Variants in SFSWAP observed in about 807,000 individuals in gnomAD.
SFSWAP encodes the protein splicing factor, suppressor of white-apricot homolog.
SFSWAP carries 17 observed loss-of-function variants against 100.7 expected under a neutral mutation model. The observed-to-expected ratio is 0.17, with a 90% CI of 0.12 to 0.25. The LOEUF is 0.25. Among genes scored for constraint, SFSWAP ranks in the 10% least tolerant of loss-of-function variants. The pLI is 1.00. For synonymous variants in SFSWAP, 504 were observed against 510.1 expected, an observed-to-expected ratio of 0.99 and a Z score of 0.16; for missense variants, 1,005 against 1,262.6, an observed-to-expected ratio of 0.80 and a Z score of 3.09.
rs1239124894 is a variant in SFSWAP, at chr12:131,711,630, C to T, written c.218+183C>T. Reference sequence around the variant, plus strand: ...GTGGGGAGGGGGACGGTGAAACCTGCCCTAAGGCACTGGCTGGAATTGCGT... The same window carrying T: ...GTGGGGAGGGGGACGGTGAAACCTGTCCTAAGGCACTGGCTGGAATTGCGT... On this transcript the variant is annotated intron_variant, in intron 1 of 17. Coordinates refer to ENST00000261674, the MANE Select transcript of SFSWAP (RefSeq NM_004592.4). The surrounding 1 kb of genome is among the most constrained non-coding windows in gnomAD (Gnocchi z 4.9). The T allele has an allele frequency of 6.7e-6, 4 of 596,188 alleles. No homozygotes were observed. The highest frequency in any genetic ancestry group is 2.8e-5 in the East Asian group (1 of 35,236). The allele number at this position is 596,188 out of a possible 1,614,324, so 36.9% of individuals were successfully genotyped here. A position where few individuals can be genotyped will look rare whatever the true frequency, so the allele number is the denominator to read the frequency against.
At chr12:131,742,675 A>G (rs1566020910) in intron 7 of SFSWAP, among the ~76,000 whole-genome samples, 1 of 151,932 alleles carries the variant, frequency 6.6e-6, no homozygotes, top group Admixed American at 6.6e-5. Flanking sequence ...GGAGGTTACA[A>G]CAAAATACAG....
chr12:131,775,216 C>T (rs1883917856), intron 13 of SFSWAP, among the ~76,000 whole-genome samples: 2 of 152,190 alleles, frequency 1.3e-5, no homozygotes, highest in Non-Finnish European at 1.5e-5. Context: ...ACAGCAAAGA[C>T]GTGTTTCTCT....
At chr12:131,754,111 T>G (rs1566029545) in intron 8 of SFSWAP, among the ~76,000 whole-genome samples, 1 of 152,122 alleles carries the variant, frequency 6.6e-6, no homozygotes, top group Non-Finnish European at 1.5e-5. Context: ...AGCTTGTGAT[T>G]GGGGGGAAAT....
intron 7 of SFSWAP, among the ~76,000 whole-genome samples, chr12:131,731,901 C>CAT (rs1555241932): frequency 1.8e-5 from 1 of 55,304 alleles, no homozygotes; most frequent in African/African-American, 7.2e-5. Flanking sequence ...TACTATTTTA[C>CAT]TTTTTTTTTT....
intron 7 of SFSWAP, among the ~76,000 whole-genome samples, chr12:131,732,561 A>G (rs1273292638): frequency 2.0e-5 from 3 of 152,332 alleles, no homozygotes; most frequent in East Asian, 3.9e-4. Flanking sequence ...AGAGCTTGAG[A>G]AGCAGGTCTG....
chr12:131,748,554 C>T (rs1205480705), intron 7 of SFSWAP, among the ~76,000 whole-genome samples: 3 of 152,336 alleles, frequency 2.0e-5, no homozygotes, highest in African/African-American at 4.8e-5. Flanking sequence ...AGAACCTTCT[C>T]AGCACAGGAG....
chr12:131,788,348 G>C (rs1885033974), intron 15 of SFSWAP, among the ~76,000 whole-genome samples: 1 of 152,214 alleles, frequency 6.6e-6, no homozygotes, highest in Non-Finnish European at 1.5e-5. Context: ...GAGCTGCCGT[G>C]CCCAGACAGA....
chr12:131,764,789 G>C (rs1882972911), intron 12 of SFSWAP, 103 bp downstream of exon 12: 1 of 803,996 alleles, frequency 1.2e-6, no homozygotes. Flanking sequence ...AGAATCTGAA[G>C]CCTTTGGAAA....
intron 4 of SFSWAP, among the ~76,000 whole-genome samples, chr12:131,722,542 C>T (rs577828023): frequency 2.6e-5 from 4 of 152,246 alleles, no homozygotes; most frequent in East Asian, 1.9e-4. Flanking sequence ...TTGTGTGCAA[C>T]GCTTATTCTG....
At chr12:131,751,763 G>A (rs773524923) in intron 7 of SFSWAP, among the ~76,000 whole-genome samples, 15 of 152,232 alleles carry the variant, frequency 9.9e-5, no homozygotes, top group South Asian at 4.1e-4. Flanking sequence ...AGGACCTGCC[G>A]CTGCAGGAGC....
rs1885928872 is a variant in SFSWAP at position 131,799,599 on chromosome 12, T to C, written c.*111T>C. 2 of 781,640 alleles carry C rather than the reference T, an allele frequency of 2.6e-6. No individual in the cohort carries two copies. The highest frequency in any genetic ancestry group is 1.7e-5 in the South Asian group (1 of 60,504). 48.4% of individuals were successfully genotyped at this position (781,640 alleles called of 1,614,324 possible). A position where few individuals can be genotyped will look rare whatever the true frequency, so the allele number is the denominator to read the frequency against. On this transcript the variant is annotated 3_prime_UTR_variant, in exon 18 of 18. Coordinates refer to ENST00000261674, the MANE Select transcript of SFSWAP (RefSeq NM_004592.4). ...CGCCTCCATGGACCCTTGGTGGCTTTTGTAAATTAATTTTTGATGACATTT... is the reference window on the plus strand; with the variant it reads ...CGCCTCCATGGACCCTTGGTGGCTTCTGTAAATTAATTTTTGATGACATTT...
At chr12:131,746,615 C>T (rs1336821992) in intron 7 of SFSWAP, among the ~76,000 whole-genome samples, 1 of 152,216 alleles carries the variant, frequency 6.6e-6, no homozygotes, top group Non-Finnish European at 1.5e-5. Context: ...TGGAGCACAT[C>T]CTCCAGTAGT....
At chr12:131,769,737 C>T (rs949735935) in intron 13 of SFSWAP, among the ~76,000 whole-genome samples, 1 of 152,182 alleles carries the variant, frequency 6.6e-6, no homozygotes, top group Non-Finnish European at 1.5e-5. Context: ...CACCATTCTC[C>T]TGCCTCAGCC....
rs1286278785 is a variant in SFSWAP at position 131,778,446 on chromosome 12, G to T, written c.2408+116G>T. The T allele has an allele frequency of 6.8e-7, 1 of 1,463,966 alleles. No individual in the cohort carries two copies. The highest frequency in any genetic ancestry group is 1.4e-5 in the African/African-American group (1 of 70,506). The allele number at this position is 1,463,966 out of a possible 1,614,324, so 90.7% of individuals were successfully genotyped here. A position where few individuals can be genotyped will look rare whatever the true frequency, so the allele number is the denominator to read the frequency against. ...TCAGTGCCGCTTTCATTAAGCAGAC[G>T]CGTGTATGCATGTGCATGTGTGCCC... On this transcript the variant is annotated intron_variant, in intron 14 of 17. Transcript: ENST00000261674. This position sits in a 1 kb window ranked among gnomAD's most constrained non-coding sequence, Gnocchi z 4.2.
At chr12:131,754,243 C>G (rs1249477919) in intron 8 of SFSWAP, 125 bp from the exon 9 acceptor site, 5 of 593,276 alleles carry the variant, frequency 8.4e-6, no homozygotes, top group Non-Finnish European at 1.3e-5. Context: ...AGAGCCTCCC[C>G]TAACACACTG....
At chr12:131,769,757 GC>G (rs1418377964) in intron 13 of SFSWAP, among the ~76,000 whole-genome samples, 1 of 152,138 alleles carries the variant, frequency 6.6e-6, no homozygotes, top group Non-Finnish European at 1.5e-5. Flanking sequence ...CTCCCGAGTA[GC>G]TGGGACTACA....
In SFSWAP at chr12:131,796,993, G is replaced by C. The variant is rs149514950; in HGVS notation, c.2535-185G>C. 30 of 576,926 alleles carry C rather than the reference G, an allele frequency of 5.2e-5. No homozygotes were observed. The African/African-American group carries it at 5.2e-4, about 10-fold the overall frequency. The allele number at this position is 576,926 out of a possible 1,614,324, so 35.7% of individuals were successfully genotyped here. On this transcript the variant is annotated intron_variant, in intron 15 of 17. Coordinates refer to ENST00000261674, the MANE Select transcript of SFSWAP (RefSeq NM_004592.4). ...TACTTGAGGTCCTAAATGGGGACGC[G>C]TCATCTGTTATCAGTTAAATGAAAT...
chr12:131,735,756 A>G (rs1409475149), intron 7 of SFSWAP, among the ~76,000 whole-genome samples: 2 of 152,198 alleles, frequency 1.3e-5, no homozygotes, highest in Non-Finnish European at 2.9e-5. Flanking sequence ...TGCCGGGCTT[A>G]TATTATTTCA....
At chr12:131,771,384 C>T (rs1340250201) in intron 13 of SFSWAP, among the ~76,000 whole-genome samples, 1 of 152,184 alleles carries the variant, frequency 6.6e-6, no homozygotes, top group Admixed American at 6.6e-5. Context: ...CCGCTTTCAC[C>T]CAATCTGTGT....
Sources: allele counts gnomAD v4.1 joint callset (sites outside exome capture counted in the v4.1 genomes callset), GRCh38; gene constraint gnomAD v4.1.1; non-coding constraint Gnocchi (gnomAD v3.1); transcripts MANE v1.5; gene names NCBI Gene and HGNC (gene_info 2026-07-23, HGNC 2026-07-21).